Variants in CDK17 observed in about 807,000 individuals in gnomAD.
CDK17 encodes cyclin dependent kinase 17, also known as cyclin-dependent kinase 17.
Under a neutral mutation model 77.6 loss-of-function variants are expected in CDK17, and 24 were observed. The observed-to-expected ratio is 0.31, with a 90% confidence interval of 0.22 to 0.44. The LOEUF is 0.44. Ranked by LOEUF, CDK17 falls within the 20% of genes least tolerant of loss-of-function variation. CDK17 has a pLI of 1.00. For missense variants in CDK17, 429 were observed against 622.5 expected (o/e 0.69, Z 3.31); for synonymous variants, 203 against 210.4 (o/e 0.96, Z 0.30).
chr12:96,375,756 G>A lies in CDK17; in HGVS notation c.-30+24230C>T, dbSNP rs112931770. Among the ~76,000 whole-genome samples, 1,161 of 151,918 alleles carry A rather than the reference G, an allele frequency of 7.6e-3. 5 individuals carry two copies. Among genetic ancestry groups the A allele is most frequent in the Non-Finnish European group, 0.013 (894 of 67,978 alleles). ...AGATGGGGTTTCACGATGTTGGCCCGGCTGGTCTCAAACTCCTGACCTCAG... is the reference window on the plus strand; with the variant it reads ...AGATGGGGTTTCACGATGTTGGCCCAGCTGGTCTCAAACTCCTGACCTCAG... On this transcript the variant is annotated intron_variant, in intron 1 of 16. Transcript: ENST00000261211.
intron 11 of CDK17, among the ~76,000 whole-genome samples, chr12:96,287,980 CAG>C (rs776929191): frequency 6.6e-5 from 10 of 151,808 alleles, no homozygotes; most frequent in East Asian, 3.9e-4. Flanking sequence ...TTTATGGAGA[CAG>C]AAAGTATTAT....
At chr12:96,299,689 A>G (rs1263895751) in intron 6 of CDK17, among the ~76,000 whole-genome samples, 1 of 152,152 alleles carries the variant, frequency 6.6e-6, no homozygotes, top group African/African-American at 2.4e-5. Flanking sequence ...GCGCCCGGCA[A>G]TCATAAAAAT....
chr12:96,364,935 T>G (rs144344776), intron 1 of CDK17, among the ~76,000 whole-genome samples: 2 of 152,284 alleles, frequency 1.3e-5, no homozygotes, highest in East Asian at 3.9e-4. Flanking sequence ...GGTGCAGAAC[T>G]TGGCAAAAGC....
chr12:96,344,481 T>G (rs969179305), intron 1 of CDK17, among the ~76,000 whole-genome samples: 56 of 152,300 alleles, frequency 3.7e-4, no homozygotes, highest in African/African-American at 1.3e-3. Context: ...CATGGGCTCT[T>G]CAGTAAGATT....
intron 1 of CDK17, among the ~76,000 whole-genome samples, chr12:96,380,029 C>T (rs1164678349): frequency 6.6e-6 from 1 of 151,674 alleles, no homozygotes; most frequent in Admixed American, 6.6e-5. Context: ...ATTAGCTGTG[C>T]ATGGTGGCAC....
intron 1 of CDK17, among the ~76,000 whole-genome samples, chr12:96,351,298 C>T (rs1306603786): frequency 7.4e-6 from 1 of 134,666 alleles, no homozygotes; most frequent in Non-Finnish European, 1.6e-5. Context: ...GACCCAGCAA[C>T]TCTACTCCTA....
intron 1 of CDK17, among the ~76,000 whole-genome samples, chr12:96,395,016 C>G (rs1163548404): frequency 6.6e-6 from 1 of 151,960 alleles, no homozygotes; most frequent in East Asian, 1.9e-4. Context: ...GCTGGGATTA[C>G]AGGCATGCAC....
chr12:96,390,818 C>T (rs1293408637), intron 1 of CDK17, among the ~76,000 whole-genome samples: 1 of 148,442 alleles, frequency 6.7e-6, no homozygotes. Context: ...CATTTAAAAA[C>T]AAGGCTGGGT....
intron 16 of CDK17, 151 bp from the exon 17 acceptor site, chr12:96,280,430 T>TG (rs1952160493): frequency 7.0e-7 from 1 of 1,438,248 alleles, no homozygotes. Context: ...ACCCTTCTGT[T>TG]GACGGGGTCA....
chr12:96,314,697 G>T (rs1952686381), intron 3 of CDK17, among the ~76,000 whole-genome samples: 1 of 152,154 alleles, frequency 6.6e-6, no homozygotes, highest in African/African-American at 2.4e-5. Flanking sequence ...ACAAATGCTG[G>T]ATCTCTAGAA....
At chr12:96,381,192 G>A (rs1953872920) in intron 1 of CDK17, among the ~76,000 whole-genome samples, 1 of 152,152 alleles carries the variant, frequency 6.6e-6, no homozygotes, top group Admixed American at 6.5e-5. Flanking sequence ...ACAGTATACA[G>A]TCCTATGGTC....
intron 1 of CDK17, among the ~76,000 whole-genome samples, chr12:96,359,485 T>C (rs960983960): frequency 1.3e-5 from 2 of 152,226 alleles, no homozygotes; most frequent in African/African-American, 2.4e-5. Flanking sequence ...GGCAAAGTAC[T>C]GTCTATACAA....
chr12:96,300,728 C>T (rs1358624326), intron 5 of CDK17, among the ~76,000 whole-genome samples: 1 of 152,174 alleles, frequency 6.6e-6, no homozygotes, highest in African/African-American at 2.4e-5. Flanking sequence ...CAATTCATCT[C>T]TTCCTCAACT....
At chr12:96,389,936 T>G (rs1185247494) in intron 1 of CDK17, among the ~76,000 whole-genome samples, 1 of 151,374 alleles carries the variant, frequency 6.6e-6, no homozygotes, top group Non-Finnish European at 1.5e-5. Context: ...TTCAAGAGAT[T>G]CTCCTGCCTC....
intron 1 of CDK17, among the ~76,000 whole-genome samples, chr12:96,341,343 A>G (rs796388208): frequency 9.8e-4 from 119 of 121,934 alleles, no homozygotes; most frequent in Middle Eastern, 9.4e-3. Context: ...ACACACACAC[A>G]CGTCTCATAT....
chr12:96,337,039 A>C (rs1953051206), intron 1 of CDK17, among the ~76,000 whole-genome samples: 1 of 152,178 alleles, frequency 6.6e-6, no homozygotes, highest in African/African-American at 2.4e-5. Context: ...TAGAGCCTCC[A>C]GATGATGTTA....
At chr12:96,332,881 T>C (rs1952991464) in intron 2 of CDK17, among the ~76,000 whole-genome samples, 1 of 152,234 alleles carries the variant, frequency 6.6e-6, no homozygotes, top group African/African-American at 2.4e-5. Flanking sequence ...AAAGCATGTT[T>C]TATGATAGTT....
intron 1 of CDK17, among the ~76,000 whole-genome samples, chr12:96,364,650 C>A (rs886453670): frequency 1.3e-5 from 2 of 152,304 alleles, no homozygotes; most frequent in African/African-American, 4.8e-5. Context: ...CTCCTTACAA[C>A]AACCACTCTC....
At chr12:96,286,569 G>A (rs545586124) in intron 12 of CDK17, 95 bp downstream of exon 12, 2 of 792,186 alleles carry the variant, frequency 2.5e-6, no homozygotes, top group South Asian at 1.7e-5. Flanking sequence ...GTTAGTCTCA[G>A]TATCTAATTT....
Sources: gnomAD v4.1 joint callset for allele counts (sites outside exome capture counted in the v4.1 genomes callset) on GRCh38, gnomAD v4.1.1 for gene constraint, MANE v1.5 for transcripts, NCBI Gene and HGNC (gene_info 2026-07-23, HGNC 2026-07-21) for gene names.